Variants in ZNF804A observed in about 807,000 individuals in gnomAD.
ZNF804A encodes zinc finger protein 804A.
ZNF804A carries 2 observed loss-of-function variants against 16.5 expected under a neutral mutation model. That is an observed-to-expected ratio of 0.12 (90% CI 0.05 to 0.38). The LOEUF (loss-of-function observed/expected upper bound fraction) is 0.38. Ranked by LOEUF, ZNF804A falls within the 10% of genes least tolerant of loss-of-function variation. ZNF804A has a pLI of 0.99. For synonymous variants in ZNF804A, 534 were observed against 489.6 expected, an observed-to-expected ratio of 1.09 and a Z score of -1.20; for missense variants, 1,473 against 1,390.7, an observed-to-expected ratio of 1.06 and a Z score of -0.94.
chr2:184,645,892 A>G (rs576720606), intron 1 of ZNF804A, among the ~76,000 whole-genome samples: 1 of 152,306 alleles, frequency 6.6e-6, no homozygotes, highest in African/African-American at 2.4e-5. Context: ...TGAAGCCCCA[A>G]TACATGAGAG....
At chr2:184,876,029 T>C (rs1044117505) in intron 2 of ZNF804A, among the ~76,000 whole-genome samples, 1 of 152,174 alleles carries the variant, frequency 6.6e-6, no homozygotes, top group African/African-American at 2.4e-5. Flanking sequence ...GTAACTGAAA[T>C]ACCTCCCAAC....
chr2:184,793,365 G>A lies in ZNF804A; in HGVS notation c.112-73004G>A, dbSNP rs185821347. On this transcript the variant is annotated intron_variant, in intron 1 of 3. Coordinates refer to ENST00000302277, the MANE Select transcript of ZNF804A (RefSeq NM_194250.2). Reference sequence around the variant, plus strand: ...AAACCTCCAAAGTGCTTTCCACAGAGATTGGCTTAATTTACATTTCCACCC... The same window carrying A: ...AAACCTCCAAAGTGCTTTCCACAGAAATTGGCTTAATTTACATTTCCACCC... Among the ~76,000 whole-genome samples the A allele has an allele frequency of 1.1e-3, 160 of 152,238 alleles. 2 individuals are homozygous for A. The highest frequency in any genetic ancestry group is 8.3e-4 in the South Asian group (4 of 4,824).
At chr2:184,698,155 C>A (rs933185088) in intron 1 of ZNF804A, among the ~76,000 whole-genome samples, 1 of 151,928 alleles carries the variant, frequency 6.6e-6, no homozygotes, top group Non-Finnish European at 1.5e-5. Context: ...GCACCTAAGT[C>A]TTTTAGAAGT....
At chr2:184,855,952 A>G (rs1558983485) in intron 1 of ZNF804A, among the ~76,000 whole-genome samples, 2 of 152,084 alleles carry the variant, frequency 1.3e-5, no homozygotes, top group Admixed American at 1.3e-4. Context: ...ACAAATGACT[A>G]TCAAATAACT....
At chr2:184,814,588 G>A (rs1271451687) in intron 1 of ZNF804A, among the ~76,000 whole-genome samples, 4 of 152,008 alleles carry the variant, frequency 2.6e-5, no homozygotes. Flanking sequence ...GTCATGGAAA[G>A]GTCATTGAGA....
intron 1 of ZNF804A, among the ~76,000 whole-genome samples, chr2:184,610,244 T>C (rs1023300615): frequency 6.6e-6 from 1 of 152,216 alleles, no homozygotes; most frequent in Admixed American, 6.5e-5. Flanking sequence ...CCTTGGATGT[T>C]CCAGCTTTGA....
chr2:184,925,090 T>C (rs1685589141), intron 2 of ZNF804A, among the ~76,000 whole-genome samples: 1 of 152,002 alleles, frequency 6.6e-6, no homozygotes, highest in African/African-American at 2.4e-5. Flanking sequence ...GTTTCTTTGC[T>C]GATTTTCTCT....
chr2:184,914,724 A>G (rs1685418658), intron 2 of ZNF804A, among the ~76,000 whole-genome samples: 1 of 152,054 alleles, frequency 6.6e-6, no homozygotes, highest in Non-Finnish European at 1.5e-5. Context: ...TTTTTGAAAA[A>G]GATAAAAAGA....
intron 1 of ZNF804A, among the ~76,000 whole-genome samples, chr2:184,618,503 A>T (rs1691365658): frequency 6.6e-6 from 1 of 152,120 alleles, no homozygotes; most frequent in Non-Finnish European, 1.5e-5. Context: ...AGGTGTTAAA[A>T]TATTTTTCTA....
intron 1 of ZNF804A, among the ~76,000 whole-genome samples, chr2:184,721,422 A>G (rs1039574919): frequency 6.6e-6 from 1 of 152,126 alleles, no homozygotes; most frequent in Non-Finnish European, 1.5e-5. Context: ...TGAGCAAAGG[A>G]CATTCATAGA....
chr2:184,735,117 G>A (rs1221312666), intron 1 of ZNF804A, among the ~76,000 whole-genome samples: 1 of 151,952 alleles, frequency 6.6e-6, no homozygotes, highest in Non-Finnish European at 1.5e-5. Flanking sequence ...CTCTAATAAT[G>A]TTTGTCTCTT....
At chr2:184,801,244 A>G (rs533972342) in intron 1 of ZNF804A, among the ~76,000 whole-genome samples, 1 of 152,088 alleles carries the variant, frequency 6.6e-6, no homozygotes, top group South Asian at 2.1e-4. Context: ...ATATTTCTTC[A>G]GCTTGAATAT....
intron 1 of ZNF804A, among the ~76,000 whole-genome samples, chr2:184,819,563 C>G (rs1268093197): frequency 6.6e-6 from 1 of 151,258 alleles, no homozygotes; most frequent in African/African-American, 2.4e-5. Flanking sequence ...AAGAAATAAC[C>G]AAGATCAGAG....
chr2:184,924,035 A>G (rs1459907154), intron 2 of ZNF804A, among the ~76,000 whole-genome samples: 7 of 141,520 alleles, frequency 4.9e-5, no homozygotes, highest in African/African-American at 1.8e-4. Flanking sequence ...GTGTGTGTGT[A>G]TGTTTTCAGT....
chr2:184,740,419 C>G (rs1404289685), intron 1 of ZNF804A, among the ~76,000 whole-genome samples: 1 of 152,148 alleles, frequency 6.6e-6, no homozygotes, highest in Non-Finnish European at 1.5e-5. Context: ...TGAACACTAT[C>G]CAAAGACTGC....
chr2:184,734,382 C>T (rs1409054847), intron 1 of ZNF804A, among the ~76,000 whole-genome samples: 5 of 152,068 alleles, frequency 3.3e-5, no homozygotes, highest in Admixed American at 2.6e-4. Context: ...TAATTTAGTT[C>T]AAAATATTAA....
chr2:184,792,087 C>A (rs774946421), intron 1 of ZNF804A, among the ~76,000 whole-genome samples: 1 of 152,116 alleles, frequency 6.6e-6, no homozygotes, highest in Non-Finnish European at 1.5e-5. Context: ...GGATATACTT[C>A]CAAGTTTTGG....
At position 184,937,586 on chromosome 2, in the gene ZNF804A, A is replaced by T; in HGVS notation, c.2190A>T (p.Ser730=). The T allele has an allele frequency of 6.2e-7, 1 of 1,612,764 alleles. No homozygotes were observed. The highest frequency in any genetic ancestry group is 8.5e-7 in the Non-Finnish European group (1 of 1,179,608). ...ACTGTTGTTGGAAAACCAAAATGTC[A>T]AGCTGTAGTCAGGATCACAGAAGCT... ...RTYCCWKTKM[S]SCSQDHRSLV... The change falls in exon 4 of 4, where the codon TCA becomes TCT. Residue 730 remains serine, a synonymous_variant. Transcript: ENST00000302277.
At position 184,759,216 on chromosome 2, in the gene ZNF804A, GA is replaced by G. The variant is rs199923469; in HGVS notation, c.112-107144del. Among the ~76,000 whole-genome samples, 1,034 of 148,792 alleles carry G rather than the reference GA, an allele frequency of 6.9e-3. 17 individuals carry two copies. The highest frequency in any genetic ancestry group is 0.023 in the African/African-American group (956 of 40,768). Reference sequence around the variant, plus strand: ...ATTATTAAGAAAAATATTCATTATTGAAAAAAAAATATGGACACCTATCTTG... The same window carrying G: ...ATTATTAAGAAAAATATTCATTATTGAAAAAAAATATGGACACCTATCTTG... On this transcript the variant is annotated intron_variant, in intron 1 of 3. Transcript: ENST00000302277.
Sources: allele counts gnomAD v4.1 joint callset (sites outside exome capture counted in the v4.1 genomes callset), GRCh38; gene constraint gnomAD v4.1.1; transcripts MANE v1.5; gene names NCBI Gene and HGNC (gene_info 2026-07-23, HGNC 2026-07-21).